Variants in NRXN1 observed in about 807,000 individuals in gnomAD.
NRXN1 encodes neurexin-1.
A neutral mutation model predicts 150.9 loss-of-function variants in NRXN1; 39 were observed. That is an observed-to-expected ratio of 0.26 (90% CI 0.20 to 0.34). The LOEUF (loss-of-function observed/expected upper bound fraction) is 0.34. NRXN1 is among the 10% of genes least tolerant of loss of function. The pLI, the probability that NRXN1 is intolerant of heterozygous loss-of-function variation, is 1.00. For synonymous variants in NRXN1, 924 were observed against 757.0 expected, an observed-to-expected ratio of 1.22 and a Z score of -3.62; for missense variants, 1,815 against 1,949.9, an observed-to-expected ratio of 0.93 and a Z score of 1.30.
intron 18 of NRXN1, among the ~76,000 whole-genome samples, chr2:50,234,759 A>G (rs1179841913): frequency 6.6e-6 from 1 of 152,066 alleles, no homozygotes; most frequent in Non-Finnish European, 1.5e-5. Context: ...AAGGGTGTGT[A>G]GAGACATGCA....
At chr2:50,723,793 G>A (rs1696974327) in intron 5 of NRXN1, among the ~76,000 whole-genome samples, 1 of 152,174 alleles carries the variant, frequency 6.6e-6, no homozygotes, top group African/African-American at 2.4e-5. Flanking sequence ...GACTGTTTCT[G>A]GAGAGGCCTC....
intron 5 of NRXN1, among the ~76,000 whole-genome samples, chr2:50,680,704 GC>G (rs1407603912): frequency 1.3e-5 from 2 of 151,744 alleles, no homozygotes; most frequent in Non-Finnish European, 2.9e-5. Flanking sequence ...ACAATGGTTT[GC>G]CACAAGTAAA....
At chr2:50,898,995 CAG>C (rs909124300) in intron 5 of NRXN1, among the ~76,000 whole-genome samples, 5 of 151,870 alleles carry the variant, frequency 3.3e-5, no homozygotes, top group African/African-American at 1.2e-4. Context: ...ACCTGTCAAA[CAG>C]AGAGTTAAGA....
chr2:50,115,012 T>G lies in NRXN1; in HGVS notation c.3547-23518A>C, dbSNP rs181505170. Among the ~76,000 whole-genome samples, 294 of 152,010 alleles carry G rather than the reference T, an allele frequency of 1.9e-3. 3 individuals are homozygous for G. The highest frequency in any genetic ancestry group is 6.9e-3 in the African/African-American group (286 of 41,502). ...AAACCCTAACGTAAACTATGGACTTTGTGTGATAATGATGCACCAATGTAG... is the reference window on the plus strand; with the variant it reads ...AAACCCTAACGTAAACTATGGACTTGGTGTGATAATGATGCACCAATGTAG... On this transcript the variant is annotated intron_variant, in intron 18 of 22. Coordinates refer to ENST00000401669, the MANE Select transcript of NRXN1 (RefSeq NM_001330078.2).
At chr2:50,202,336 C>T (rs1306055680) in intron 18 of NRXN1, among the ~76,000 whole-genome samples, 2 of 152,268 alleles carry the variant, frequency 1.3e-5, no homozygotes, top group Non-Finnish European at 2.9e-5. Flanking sequence ...GAAACCCCGT[C>T]TCTACTAAAA....
At chr2:50,932,224 C>T (rs1028026990) in intron 2 of NRXN1, among the ~76,000 whole-genome samples, 3 of 151,932 alleles carry the variant, frequency 2.0e-5, no homozygotes, top group Non-Finnish European at 4.4e-5. Flanking sequence ...CCCATCTCTA[C>T]TACAAAGACA....
At chr2:50,395,485 T>C (rs1301972128) in intron 17 of NRXN1, among the ~76,000 whole-genome samples, 3 of 152,006 alleles carry the variant, frequency 2.0e-5, no homozygotes, top group Non-Finnish European at 2.9e-5. Flanking sequence ...TTCTAACGTA[T>C]ATATCAGCTC....
chr2:50,093,794 A>G (rs971669485), intron 18 of NRXN1, among the ~76,000 whole-genome samples: 9 of 152,170 alleles, frequency 5.9e-5, no homozygotes, highest in African/African-American at 1.9e-4. Flanking sequence ...CATTTTACAG[A>G]TGAGAAAATT....
chr2:50,465,360 G>A, intron 17 of NRXN1, 82 bp downstream of exon 17: 1 of 1,360,322 alleles, frequency 7.4e-7, no homozygotes, highest in Non-Finnish European at 9.9e-7. Context: ...TTAATATAAG[G>A]ACTTTCAGTG....
chr2:50,466,098 T>G lies in NRXN1; in HGVS notation c.3245-537A>C, dbSNP rs540913843. On this transcript the variant is annotated intron_variant, in intron 16 of 22. Coordinates refer to ENST00000401669, the MANE Select transcript of NRXN1 (RefSeq NM_001330078.2). ...GTATCAATTCACATGCTTTTAACAA[T>G]TTCATGCAATTAAACATAAAATTAA... Among the ~76,000 whole-genome samples the G allele has an allele frequency of 6.9e-4, 105 of 151,914 alleles. 1 individual carries two copies. The highest frequency in any genetic ancestry group is 2.4e-3 in the African/African-American group (99 of 41,490).
chr2:50,025,507 G>A (rs1260036979), intron 21 of NRXN1, among the ~76,000 whole-genome samples: 1 of 152,192 alleles, frequency 6.6e-6, no homozygotes, highest in Non-Finnish European at 1.5e-5. Context: ...GGTCATGGAA[G>A]CCACAATCTT....
intron 8 of NRXN1, among the ~76,000 whole-genome samples, chr2:50,601,701 T>C (rs750499549): frequency 3.9e-5 from 6 of 152,194 alleles, no homozygotes; most frequent in African/African-American, 7.2e-5. Context: ...CTTAAGCTTG[T>C]ATAGAGTTGA....
intron 17 of NRXN1, among the ~76,000 whole-genome samples, chr2:50,329,029 G>C (rs544133546): frequency 2.6e-5 from 4 of 152,094 alleles, no homozygotes; most frequent in Admixed American, 2.6e-4. Flanking sequence ...AAGAAGGCTA[G>C]AAAAGAAGTT....
At chr2:50,462,870 C>G (rs2088378725) in intron 17 of NRXN1, among the ~76,000 whole-genome samples, 1 of 151,836 alleles carries the variant, frequency 6.6e-6, no homozygotes, top group South Asian at 2.1e-4. Flanking sequence ...CCCTAACCCA[C>G]TCTATAAACC....
At chr2:49,984,775 G>A (rs1265956944) in intron 21 of NRXN1, among the ~76,000 whole-genome samples, 1 of 151,026 alleles carries the variant, frequency 6.6e-6, no homozygotes, top group African/African-American at 2.4e-5. Context: ...TGCCACAGAA[G>A]TTATATTGCA....
chr2:51,001,230 GGGT>G (rs1558565010), intron 2 of NRXN1, among the ~76,000 whole-genome samples: 25 of 133,704 alleles, frequency 1.9e-4, no homozygotes, highest in Non-Finnish European at 3.8e-4. Context: ...TAGATTCATG[GGGT>G]TGGGGGGGGG....
chr2:50,938,209 A>T (rs1189788462), intron 2 of NRXN1, among the ~76,000 whole-genome samples: 1 of 152,170 alleles, frequency 6.6e-6, no homozygotes, highest in Non-Finnish European at 1.5e-5. Flanking sequence ...ACTATTGTAA[A>T]CTTTATAAAC....
intron 17 of NRXN1, among the ~76,000 whole-genome samples, chr2:50,388,171 T>G (rs2081448844): frequency 6.6e-6 from 1 of 151,996 alleles, no homozygotes; most frequent in African/African-American, 2.4e-5. Context: ...GGGTGGGGAG[T>G]ACAGGCATGA....
chr2:50,638,253 T>G (rs965989965), intron 5 of NRXN1, among the ~76,000 whole-genome samples: 1 of 152,196 alleles, frequency 6.6e-6, no homozygotes, highest in African/African-American at 2.4e-5. Flanking sequence ...GGGGTGGATC[T>G]CTTGCTAACA....
Sources: allele counts gnomAD v4.1 joint callset (sites outside exome capture counted in the v4.1 genomes callset), GRCh38; gene constraint gnomAD v4.1.1; transcripts MANE v1.5; gene names NCBI Gene and HGNC (gene_info 2026-07-23, HGNC 2026-07-21).